ITGA8: variants seen among roughly 807,000 people sequenced by gnomAD.
ITGA8 encodes integrin subunit alpha 8.
Under a neutral mutation model 142.3 loss-of-function variants are expected in ITGA8, and 91 were observed. The ratio of observed to expected loss-of-function variants is 0.64; its 90% CI spans 0.54 to 0.76. ITGA8 has a LOEUF of 0.76. Among genes scored for constraint, ITGA8 ranks in the 30% least tolerant of loss-of-function variants. The probability of loss-of-function intolerance (pLI) is 0.00; values close to 1 mark genes in which losing one functional copy is unlikely to be tolerated. For synonymous variants in ITGA8, 505 were observed against 485.2 expected, an observed-to-expected ratio of 1.04 and a Z score of -0.54; for missense variants, 1,406 against 1,327.7, an observed-to-expected ratio of 1.06 and a Z score of -0.92.
intron 17 of ITGA8, 65 bp downstream of exon 17, chr10:15,607,612 G>C: frequency 6.8e-7 from 1 of 1,471,658 alleles, no homozygotes; most frequent in Middle Eastern, 1.8e-4. Flanking sequence ...TGGTTAAATG[G>C]AGAAAAATGG....
chr10:15,670,043 G>T (rs995721629), intron 8 of ITGA8, among the ~76,000 whole-genome samples: 4 of 152,144 alleles, frequency 2.6e-5, no homozygotes, highest in South Asian at 2.1e-4. Flanking sequence ...TCAAAGCTCA[G>T]TTGGAAATGC....
intron 29 of ITGA8, among the ~76,000 whole-genome samples, chr10:15,518,427 T>C (rs1833001964): frequency 6.6e-6 from 1 of 152,258 alleles, no homozygotes; most frequent in Non-Finnish European, 1.5e-5. Flanking sequence ...GGGTGTAGGA[T>C]GTCACAAAGA....
At chr10:15,698,818 G>T (rs1394745372) in intron 2 of ITGA8, among the ~76,000 whole-genome samples, 1 of 152,164 alleles carries the variant, frequency 6.6e-6, no homozygotes, top group African/African-American at 2.4e-5. Flanking sequence ...TTAGTCCTTT[G>T]TCAGATGTAT....
At chr10:15,660,959 T>TCA (rs769971643) in intron 8 of ITGA8, 37 bp from the exon 9 acceptor site, 4 of 1,555,618 alleles carry the variant, frequency 2.6e-6, no homozygotes, top group South Asian at 1.1e-5. Context: ...GGGGAATTAC[T>TCA]CACACACACA....
chr10:15,662,826 A>G (rs1204574552), intron 8 of ITGA8, among the ~76,000 whole-genome samples: 3 of 152,206 alleles, frequency 2.0e-5, no homozygotes, highest in African/African-American at 4.8e-5. Flanking sequence ...AGCAAAGTCA[A>G]CATTCTTTCC....
chr10:15,531,288 A>C (rs1207127954), intron 27 of ITGA8, 137 bp from the exon 28 acceptor site: 1 of 478,236 alleles, frequency 2.1e-6, no homozygotes, highest in East Asian at 3.6e-5. Context: ...CTCTCTTTTA[A>C]CTTTTTTTTC....
At chr10:15,559,388 G>T (rs902489306) in intron 25 of ITGA8, among the ~76,000 whole-genome samples, 17 of 152,220 alleles carry the variant, frequency 1.1e-4, no homozygotes, top group African/African-American at 4.1e-4. Flanking sequence ...TAAGCTGCCT[G>T]CCAGCTGGTC....
At chr10:15,597,359 G>T (rs750578314) in intron 20 of ITGA8, 60 bp from the exon 21 acceptor site, 3 of 1,390,388 alleles carry the variant, frequency 2.2e-6, no homozygotes, top group Non-Finnish European at 3.1e-6. Context: ...TGACACAAAA[G>T]CCATGCTGGG....
At position 15,569,841 on chromosome 10, in the gene ITGA8, A is replaced by G. The variant is rs74124273; in HGVS notation, c.2637+2370T>C. 3.9e-3 allele frequency among the ~76,000 whole-genome samples: 600 copies of G among 152,340 alleles called. 6 individuals are homozygous for G. Among genetic ancestry groups the G allele is most frequent in the African/African-American group, 0.014 (585 of 41,576 alleles). On this transcript the variant is annotated intron_variant, in intron 25 of 29. Transcript: ENST00000378076. ...ACAGGTAAGAGATTATTTGTTTTTC[A>G]CTAAAGTCCAAGTCATATCAAGAAA... is the stretch of plus-strand genomic sequence containing the variant.
chr10:15,572,198 A>G lies in ITGA8; in HGVS notation c.2637+13T>C, dbSNP rs776785420. The G allele has an allele frequency of 1.2e-6, 2 of 1,606,228 alleles. No homozygotes were observed. The highest frequency in any genetic ancestry group is 1.3e-5 in the African/African-American group (1 of 74,660). On this transcript the variant is annotated intron_variant, in intron 25 of 29. Coordinates refer to ENST00000378076, the MANE Select transcript of ITGA8 (RefSeq NM_003638.3). ...TAAAATCAACAAAGCCACTGATTAG[A>G]CCAGACTCCTACCTTTATATCCTGT... is the stretch of plus-strand genomic sequence containing the variant.
At chr10:15,703,405 G>T (rs1835201173) in intron 2 of ITGA8, among the ~76,000 whole-genome samples, 1 of 152,204 alleles carries the variant, frequency 6.6e-6, no homozygotes, top group African/African-American at 2.4e-5. Context: ...CTATCATTCA[G>T]AATGTTTTTC....
At chr10:15,618,534 C>T (rs1564377180) in intron 13 of ITGA8, among the ~76,000 whole-genome samples, 1 of 152,166 alleles carries the variant, frequency 6.6e-6, no homozygotes, top group Non-Finnish European at 1.5e-5. Flanking sequence ...AAGTATTGTT[C>T]ATGGGTGTGT....
At chr10:15,579,767 T>G (rs1046420825) in intron 23 of ITGA8, among the ~76,000 whole-genome samples, 1 of 151,972 alleles carries the variant, frequency 6.6e-6, no homozygotes, top group Non-Finnish European at 1.5e-5. Flanking sequence ...ACAAGTCACT[T>G]CCCATGAGTC....
chr10:15,650,959 A>G (rs1320773437), intron 11 of ITGA8, among the ~76,000 whole-genome samples: 1 of 152,190 alleles, frequency 6.6e-6, no homozygotes, highest in Non-Finnish European at 1.5e-5. Flanking sequence ...TCCTGTATGA[A>G]TGAACATACT....
chr10:15,663,133 T>TC (rs1588706729), intron 8 of ITGA8, among the ~76,000 whole-genome samples: 1 of 151,680 alleles, frequency 6.6e-6, no homozygotes, highest in African/African-American at 2.4e-5. Flanking sequence ...TGCTCACTGT[T>TC]TTTTAAAATA....
rs1478860400 is a variant in ITGA8 at position 15,517,149 on chromosome 10, T to G, written c.*9A>C. 5.0e-6 allele frequency: 8 copies of G among 1,605,104 alleles called. No individual in the cohort carries two copies. The highest frequency in any genetic ancestry group is 6.8e-6 in the Non-Finnish European group (8 of 1,174,160). ...TGTTTGAGGTCTTTGGTCTTCTTTT[T>G]TTTTCTTGTCATGCCTCAGGGGTCT... On this transcript the variant is annotated 3_prime_UTR_variant, in exon 30 of 30. Coordinates refer to ENST00000378076, the MANE Select transcript of ITGA8 (RefSeq NM_003638.3).
At chr10:15,525,702 T>C (rs1218500170) in intron 28 of ITGA8, among the ~76,000 whole-genome samples, 3 of 140,480 alleles carry the variant, frequency 2.1e-5, no homozygotes, top group African/African-American at 5.2e-5. Flanking sequence ...TTAATTTTAA[T>C]AACATAGTTT....
chr10:15,669,481 A>G (rs2211263), intron 8 of ITGA8, among the ~76,000 whole-genome samples: 104,946 of 152,002 alleles, frequency 0.69, 37,447 homozygotes, highest in South Asian at 0.85. Flanking sequence ...CCTGTAGCTC[A>G]GAGTAGTTTG....
At chr10:15,560,062 G>T (rs1176134524) in intron 25 of ITGA8, among the ~76,000 whole-genome samples, 3 of 152,042 alleles carry the variant, frequency 2.0e-5, no homozygotes. Context: ...GGAGGATCTT[G>T]ACTTGAGGCC....
Sources: gnomAD v4.1 joint callset for allele counts (sites outside exome capture counted in the v4.1 genomes callset) on GRCh38, gnomAD v4.1.1 for gene constraint, MANE v1.5 for transcripts, NCBI Gene and HGNC (gene_info 2026-07-23, HGNC 2026-07-21) for gene names.